GABRB2: variants seen among roughly 807,000 people sequenced by gnomAD.
The protein encoded by GABRB2 is gamma-aminobutyric acid type A receptor subunit beta2, also known as gamma-aminobutyric acid receptor subunit beta-2.
GABRB2 carries 16 observed loss-of-function variants against 54.7 expected under a neutral mutation model. The observed-to-expected ratio is 0.29, with a 90% CI of 0.20 to 0.44. GABRB2 has a LOEUF of 0.44. GABRB2 is among the 20% of genes least tolerant of loss of function. The probability of loss-of-function intolerance (pLI) is 1.00; values close to 1 mark genes in which losing one functional copy is unlikely to be tolerated. For synonymous variants in GABRB2, 244 were observed against 233.8 expected (o/e 1.04, Z -0.40); for missense variants, 355 against 644.0 (o/e 0.55, Z 4.86).
chr5:161,367,823 C>T (rs967132956), intron 5 of GABRB2, among the ~76,000 whole-genome samples: 4 of 152,110 alleles, frequency 2.6e-5, no homozygotes, highest in Admixed American at 6.6e-5. Context: ...ATACTAACAC[C>T]AGGAAATAGT....
chr5:161,438,680 C>T (rs1345211200), intron 4 of GABRB2, among the ~76,000 whole-genome samples: 2 of 151,894 alleles, frequency 1.3e-5, no homozygotes, highest in Non-Finnish European at 2.9e-5. Context: ...AGAACTCTAT[C>T]GGATGAATTT....
chr5:161,469,307 T>C (rs1276688066), intron 3 of GABRB2, among the ~76,000 whole-genome samples: 1 of 151,928 alleles, frequency 6.6e-6, no homozygotes, highest in Non-Finnish European at 1.5e-5. Flanking sequence ...AATTTACTCA[T>C]AGTCACAAAT....
chr5:161,481,727 A>G (rs1758768962), intron 3 of GABRB2, among the ~76,000 whole-genome samples: 1 of 152,030 alleles, frequency 6.6e-6, no homozygotes, highest in South Asian at 2.1e-4. Flanking sequence ...TACTCTTATA[A>G]AAAGTTCATA....
At chr5:161,347,299 G>T (rs1754345208) in intron 5 of GABRB2, among the ~76,000 whole-genome samples, 1 of 152,028 alleles carries the variant, frequency 6.6e-6, no homozygotes. Context: ...AATAAGGATT[G>T]AACTCAATCT....
intron 8 of GABRB2, 147 bp downstream of exon 8, chr5:161,330,736 C>T: frequency 1.8e-6 from 2 of 1,130,828 alleles, no homozygotes; most frequent in African/African-American, 1.5e-5. Context: ...GTGCTTCCAT[C>T]ATTAATTGTT....
At chr5:161,488,675 C>T (rs1759001323) in intron 3 of GABRB2, among the ~76,000 whole-genome samples, 1 of 151,712 alleles carries the variant, frequency 6.6e-6, no homozygotes, top group African/African-American at 2.4e-5. Context: ...AATTTCTCTT[C>T]TAAATTCTCA....
intron 7 of GABRB2, 95 bp downstream of exon 7, chr5:161,334,657 G>A (rs1753939867): frequency 3.9e-6 from 5 of 1,293,216 alleles, no homozygotes. Context: ...GTTGCGTCAT[G>A]CACCACAAAT....
chr5:161,398,784 G>A (rs919701703), intron 5 of GABRB2, among the ~76,000 whole-genome samples: 4 of 151,910 alleles, frequency 2.6e-5, no homozygotes, highest in South Asian at 2.1e-4. Flanking sequence ...CTGCCACCCC[G>A]GTTCAAGCGA....
At chr5:161,519,868 A>G (rs1760063509) in intron 3 of GABRB2, among the ~76,000 whole-genome samples, 2 of 152,112 alleles carry the variant, frequency 1.3e-5, no homozygotes, top group Admixed American at 1.3e-4. Flanking sequence ...ATGTAAGTCT[A>G]AGAAATCATT....
At chr5:161,319,370 T>C (rs1758140828) in intron 9 of GABRB2, among the ~76,000 whole-genome samples, 1 of 148,562 alleles carries the variant, frequency 6.7e-6, no homozygotes, top group Admixed American at 6.7e-5. Context: ...TAATGTCCTT[T>C]TTGGTATCTA....
At chr5:161,380,143 A>T (rs142250499) in intron 5 of GABRB2, among the ~76,000 whole-genome samples, 2 of 152,284 alleles carry the variant, frequency 1.3e-5, no homozygotes, top group African/African-American at 4.8e-5. Context: ...ATTTTAAGCA[A>T]ATATCTCAGG....
intron 5 of GABRB2, among the ~76,000 whole-genome samples, chr5:161,350,022 T>C (rs1046314270): frequency 1.3e-5 from 2 of 152,130 alleles, no homozygotes; most frequent in Non-Finnish European, 2.9e-5. Flanking sequence ...CTTTTCATAA[T>C]AATAACTCTT....
At chr5:161,489,996 G>GA (rs1180885515) in intron 3 of GABRB2, among the ~76,000 whole-genome samples, 1 of 151,572 alleles carries the variant, frequency 6.6e-6, no homozygotes, top group Admixed American at 6.6e-5. Context: ...AGTTAAGTCA[G>GA]AAAATCCAAT....
chr5:161,395,608 GA>G lies in GABRB2; in HGVS notation c.541+15366del, dbSNP rs532978508. 5.1e-4 allele frequency among the ~76,000 whole-genome samples: 77 copies of G among 152,286 alleles called. 1 individual carries two copies. In the South Asian group the frequency reaches 0.016, roughly 31 times the overall value. On this transcript the variant is annotated intron_variant, in intron 5 of 9. Transcript: ENST00000393959. ...TGAAGAAATGTTACAGGTACTTTGA[GA>G]GAGGGAAATTAAGAAAGGCTTTGCT...
rs531414784 is a variant in GABRB2 at position 161,472,069 on chromosome 5, G to T, written c.238-12225C>A. 2.6e-5 allele frequency among the ~76,000 whole-genome samples: 4 copies of T among 151,954 alleles called. No homozygotes were observed. The South Asian group carries it at 8.3e-4, about 32-fold the overall frequency. On this transcript the variant is annotated intron_variant, in intron 3 of 9. Coordinates refer to ENST00000393959, the MANE Select transcript of GABRB2 (RefSeq NM_001371727.1). Reference sequence around the variant, plus strand: ...GTTTCATAAAACAAGAGAGATCACAGTTTCTATGAGTAAATAAATTCACCC... The same window carrying T: ...GTTTCATAAAACAAGAGAGATCACATTTTCTATGAGTAAATAAATTCACCC...
intron 4 of GABRB2, among the ~76,000 whole-genome samples, chr5:161,441,304 G>C (rs1757459396): frequency 6.6e-6 from 1 of 152,132 alleles, no homozygotes; most frequent in South Asian, 2.1e-4. Context: ...TATTTGAATA[G>C]ACAATTCTCA....
rs1209428565 is a variant in GABRB2 at position 161,407,478 on chromosome 5, A to G, written c.541+3497T>C. On this transcript the variant is annotated intron_variant, in intron 5 of 9. Coordinates refer to ENST00000393959, the MANE Select transcript of GABRB2 (RefSeq NM_001371727.1). ...ACAGTTCTAAATTATACTTGGCAGC[A>G]TCAGATTCCTAAAGCATCGGCACAC... 2.0e-5 allele frequency among the ~76,000 whole-genome samples: 3 copies of G among 152,184 alleles called. No homozygotes were observed. The East Asian group carries it at 5.8e-4, about 29-fold the overall frequency.
rs376314981 is a variant in GABRB2, at chr5:161,309,662, G to A, written c.1192-15234C>T. On this transcript the variant is annotated intron_variant, in intron 9 of 9. Coordinates refer to ENST00000393959, the MANE Select transcript of GABRB2 (RefSeq NM_001371727.1). ...TTTTTTTTTTTTGAGATGGAGTCTCGCTCTGTTGCTCAGGCTGGAGTGCAG... is the reference window on the plus strand; with the variant it reads ...TTTTTTTTTTTTGAGATGGAGTCTCACTCTGTTGCTCAGGCTGGAGTGCAG... 7.4e-5 allele frequency among the ~76,000 whole-genome samples: 11 copies of A among 148,572 alleles called. 1 individual carries two copies. In the East Asian group the frequency reaches 1.2e-3, roughly 16 times the overall value.
chr5:161,548,175 C>G (rs1303799770), upstream of GABRB2: 1 of 152,386 alleles, frequency 6.6e-6, no homozygotes, highest in Non-Finnish European at 1.5e-5. Flanking sequence ...TCCTGAAGCT[C>G]AGGCCGCCTC....
Sources: gnomAD v4.1 joint callset for allele counts (sites outside exome capture counted in the v4.1 genomes callset) on GRCh38, gnomAD v4.1.1 for gene constraint, MANE v1.5 for transcripts, NCBI Gene and HGNC (gene_info 2026-07-23, HGNC 2026-07-21) for gene names.